Variants in SOX6 observed in about 807,000 individuals in gnomAD.
The protein encoded by SOX6 is SRY-box transcription factor 6.
A neutral mutation model predicts 97.8 loss-of-function variants in SOX6; 11 were observed. That is an observed-to-expected ratio of 0.11 (90% confidence interval 0.07 to 0.19). SOX6 has a LOEUF of 0.19. Ranked by LOEUF, SOX6 falls within the 10% of genes least tolerant of loss-of-function variation. SOX6 has a pLI of 1.00. For synonymous variants in SOX6, 360 were observed against 371.4 expected, an observed-to-expected ratio of 0.97 and a Z score of 0.35; for missense variants, 810 against 1,039.5, an observed-to-expected ratio of 0.78 and a Z score of 3.04.
intron 9 of SOX6, among the ~76,000 whole-genome samples, chr11:16,091,170 A>G (rs1435857322): frequency 1.3e-5 from 2 of 152,102 alleles, no homozygotes; most frequent in African/African-American, 4.8e-5. Context: ...ACTCTTAAAA[A>G]TCAAGAAAAG....
chr11:16,177,058 T>A (rs1234717657), intron 6 of SOX6, among the ~76,000 whole-genome samples: 1 of 151,876 alleles, frequency 6.6e-6, no homozygotes, highest in African/African-American at 2.4e-5. Flanking sequence ...ACTTTTTATT[T>A]TACCAAATAA....
In SOX6 at chr11:16,173,779, T is replaced by C. The variant is rs1418363819; in HGVS notation, c.777+10107A>G. On this transcript the variant is annotated intron_variant, in intron 6 of 15. Coordinates refer to ENST00000683767, the MANE Select transcript of SOX6 (RefSeq NM_001367873.1). ...CTCAAAGACATTTTTTCTGTAGTTT[T>C]TTCTTAAATTTCTAACATATATGGC... Among the ~76,000 whole-genome samples the C allele has an allele frequency of 2.6e-5, 4 of 151,294 alleles. No individual in the cohort carries two copies. In the East Asian group the frequency reaches 5.8e-4, roughly 22 times the overall value.
Position 16,049,765 on chromosome 11 carries a change from T to A in SOX6, c.1425A>T (p.Gly475=), listed in dbSNP as rs1847637256. ...PSPIGGSLGR[G]SSLDILSSLN... ...GACTTTTCCATTTACCTAAAGAGGA[T>A]CCTCTTCCCAGGCTTCCTCCAATGG... The change falls in exon 11 of 16, where the codon GGA becomes GGT. Residue 475 remains glycine, a synonymous_variant. Coordinates refer to ENST00000683767, the MANE Select transcript of SOX6 (RefSeq NM_001367873.1). 3 of 1,613,448 alleles carry A rather than the reference T, an allele frequency of 1.9e-6. No individual in the cohort carries two copies. The highest frequency in any genetic ancestry group is 2.2e-5 in the East Asian group (1 of 44,880).
intron 4 of SOX6, among the ~76,000 whole-genome samples, chr11:16,609,489 T>C: frequency 6.6e-6 from 1 of 152,188 alleles, no homozygotes; most frequent in East Asian, 1.9e-4. Flanking sequence ...GAATGCTGAT[T>C]GGAGAAATCA....
chr11:16,382,195 A>T (rs1857843540), intron 1 of SOX6: 1 of 152,046 alleles, frequency 6.6e-6, no homozygotes, highest in South Asian at 2.1e-4. Flanking sequence ...TTCAGAAAAT[A>T]CCTTTGTCAA....
chr11:15,988,229 T>G (rs1223121800), intron 14 of SOX6, among the ~76,000 whole-genome samples: 1 of 152,216 alleles, frequency 6.6e-6, no homozygotes, highest in Admixed American at 6.5e-5. Context: ...TAATGCTGCA[T>G]GTTGAATAAA....
At chr11:16,076,773 GTC>G (rs1848364455) in intron 9 of SOX6, among the ~76,000 whole-genome samples, 2 of 127,442 alleles carry the variant, frequency 1.6e-5, no homozygotes, top group Admixed American at 9.2e-5. Flanking sequence ...TTGAGACGGA[GTC>G]TCTCTCTGTC....
chr11:16,732,476 A>G (rs1243597445), intron 2 of SOX6, among the ~76,000 whole-genome samples: 7 of 152,228 alleles, frequency 4.6e-5, no homozygotes, highest in Non-Finnish European at 1.0e-4. Context: ...GACACAAACA[A>G]GCAACGGGGA....
rs760964424 is a variant in SOX6 at position 16,566,549 on chromosome 11, C to G, written n.609+45532G>C. Among the ~76,000 whole-genome samples the G allele has an allele frequency of 2.0e-4, 31 of 152,342 alleles. 1 individual carries two copies. The highest frequency in any genetic ancestry group is 3.4e-3 in the Middle Eastern group (1 of 294). ...GCTAAGCCTATTGTATCTCATCTATCAGAAACTCAGCCAAAGCATTATTGC... is the reference window on the plus strand; with the variant it reads ...GCTAAGCCTATTGTATCTCATCTATGAGAAACTCAGCCAAAGCATTATTGC... On this transcript the variant is annotated intron_variant and non_coding_transcript_variant, in intron 4 of 5. Transcript: ENST00000524520.
At chr11:16,600,987 T>C (rs562408762) in intron 4 of SOX6, among the ~76,000 whole-genome samples, 3 of 152,258 alleles carry the variant, frequency 2.0e-5, no homozygotes, top group African/African-American at 7.2e-5. Context: ...GCATAATCAG[T>C]AGAAAATATA....
intron 6 of SOX6, among the ~76,000 whole-genome samples, chr11:16,136,078 G>A (rs1849953158): frequency 6.6e-6 from 1 of 152,058 alleles, no homozygotes; most frequent in Non-Finnish European, 1.5e-5. Flanking sequence ...CAGTGCAGTG[G>A]CACAATCTCA....
chr11:16,363,034 A>G (rs1225816184), intron 1 of SOX6, among the ~76,000 whole-genome samples: 1 of 152,178 alleles, frequency 6.6e-6, no homozygotes, highest in Non-Finnish European at 1.5e-5. Context: ...ACATATATGT[A>G]TATGCTTGAC....
At chr11:16,713,498 A>G (rs1431595754) in intron 3 of SOX6, among the ~76,000 whole-genome samples, 4 of 152,186 alleles carry the variant, frequency 2.6e-5, no homozygotes, top group African/African-American at 9.6e-5. Flanking sequence ...TAAATAAATA[A>G]GTAATAAAAA....
At chr11:16,630,433 T>C (rs1459799293) in intron 3 of SOX6, among the ~76,000 whole-genome samples, 1 of 152,238 alleles carries the variant, frequency 6.6e-6, no homozygotes, top group African/African-American at 2.4e-5. Context: ...TCTATTTTTA[T>C]TCCACTGTGG....
At chr11:16,248,323 C>G (rs1853401409) in intron 3 of SOX6, among the ~76,000 whole-genome samples, 12 of 152,146 alleles carry the variant, frequency 7.9e-5, no homozygotes. Flanking sequence ...GCCCTCTTCT[C>G]ACAGCTCTAC....
intron 3 of SOX6, among the ~76,000 whole-genome samples, chr11:16,705,307 C>A (rs1437355569): frequency 6.6e-6 from 1 of 151,578 alleles, no homozygotes; most frequent in Non-Finnish European, 1.5e-5. Context: ...AGTCTTCCAC[C>A]CCTTCTGCTT....
intron 3 of SOX6, among the ~76,000 whole-genome samples, chr11:16,676,277 T>C (rs1847884162): frequency 6.6e-6 from 1 of 152,240 alleles, no homozygotes; most frequent in Non-Finnish European, 1.5e-5. Flanking sequence ...ACATCTTTGC[T>C]GATATTCACT....
intron 1 of SOX6, among the ~76,000 whole-genome samples, chr11:16,354,062 G>A (rs1195374204): frequency 6.6e-6 from 1 of 151,836 alleles, no homozygotes; most frequent in East Asian, 1.9e-4. Flanking sequence ...ATTGCCAGAA[G>A]GAAAAGTACA....
At chr11:16,186,644 G>GA in intron 5 of SOX6, 139 bp downstream of exon 5, 5 of 1,062,024 alleles carry the variant, frequency 4.7e-6, no homozygotes, top group Non-Finnish European at 6.6e-6. Flanking sequence ...AGAAGGCTTT[G>GA]TTTTTTTTTT....
Sources: allele counts gnomAD v4.1 joint callset (sites outside exome capture counted in the v4.1 genomes callset), GRCh38; gene constraint gnomAD v4.1.1; transcripts MANE v1.5; gene names NCBI Gene and HGNC (gene_info 2026-07-23, HGNC 2026-07-21).